Variants in DKK2 observed in about 807,000 individuals in gnomAD.
DKK2 encodes dickkopf-related protein 2.
Under a neutral mutation model 28.1 loss-of-function variants are expected in DKK2, and 11 were observed. The observed-to-expected ratio is 0.39, with a 90% CI of 0.25 to 0.65. The LOEUF is 0.65. Ranked by LOEUF, DKK2 falls within the 30% of genes least tolerant of loss-of-function variation. The pLI is 0.47. For synonymous variants in DKK2, 135 were observed against 126.5 expected, an observed-to-expected ratio of 1.07 and a Z score of -0.45; for missense variants, 326 against 335.5, an observed-to-expected ratio of 0.97 and a Z score of 0.22.
intron 1 of DKK2, among the ~76,000 whole-genome samples, chr4:106,967,309 T>C (rs745556208): frequency 6.6e-6 from 1 of 152,144 alleles, no homozygotes; most frequent in Non-Finnish European, 1.5e-5. Context: ...TGGAAGAACC[T>C]GGTCTAGACT....
At chr4:106,943,455 A>G (rs191349261) in intron 1 of DKK2, among the ~76,000 whole-genome samples, 1 of 152,138 alleles carries the variant, frequency 6.6e-6, no homozygotes, top group African/African-American at 2.4e-5. Context: ...CCCATCAGGA[A>G]ATGGTAAAAA....
chr4:106,934,965 T>G (rs1366658174), intron 1 of DKK2, among the ~76,000 whole-genome samples: 1 of 152,208 alleles, frequency 6.6e-6, no homozygotes, highest in Non-Finnish European at 1.5e-5. Flanking sequence ...TCAGGTGTGC[T>G]GGTGCAGAGA....
chr4:106,970,683 A>T (rs1722857347), intron 1 of DKK2, among the ~76,000 whole-genome samples: 1 of 152,038 alleles, frequency 6.6e-6, no homozygotes, highest in Non-Finnish European at 1.5e-5. Context: ...TATATTGTAC[A>T]AGGCCTACTG....
chr4:107,026,370 CT>C (rs1263998661), intron 1 of DKK2, among the ~76,000 whole-genome samples: 2 of 151,922 alleles, frequency 1.3e-5, no homozygotes, highest in Non-Finnish European at 2.9e-5. Context: ...CAAAAAAACT[CT>C]TTAGTACATA....
chr4:107,024,778 A>T (rs1298333050), intron 1 of DKK2, among the ~76,000 whole-genome samples: 1 of 152,172 alleles, frequency 6.6e-6, no homozygotes, highest in Non-Finnish European at 1.5e-5. Flanking sequence ...TATACAATTT[A>T]TTTGAGGTCG....
chr4:106,958,532 A>T (rs1722636298), intron 1 of DKK2, among the ~76,000 whole-genome samples: 1 of 152,058 alleles, frequency 6.6e-6, no homozygotes, highest in Non-Finnish European at 1.5e-5. Context: ...GGATATAGTT[A>T]GTAAAATCTA....
chr4:107,009,581 G>T lies in DKK2; in HGVS notation c.222+25789C>A, dbSNP rs1578377052. ...ATGTAATAATTATAACACAAAGCTG[G>T]GTAGGAGTTTGCAGCTGGGAAGGGT... On this transcript the variant is annotated intron_variant, in intron 1 of 3. Transcript: ENST00000285311. Among the ~76,000 whole-genome samples the T allele has an allele frequency of 4.0e-5, 6 of 151,804 alleles. No homozygotes were observed. The South Asian group carries it at 1.2e-3, about 32-fold the overall frequency.
intron 1 of DKK2, among the ~76,000 whole-genome samples, chr4:106,953,498 G>T (rs1457015081): frequency 1.3e-5 from 2 of 152,194 alleles, no homozygotes; most frequent in South Asian, 2.1e-4. Flanking sequence ...AGCAAAGAAG[G>T]CTTTAACCAT....
At chr4:106,985,840 A>T (rs1380203758) in intron 1 of DKK2, among the ~76,000 whole-genome samples, 1 of 151,716 alleles carries the variant, frequency 6.6e-6, no homozygotes, top group Non-Finnish European at 1.5e-5. Flanking sequence ...GAAAAAAGAA[A>T]AGAAAAGAAA....
intron 1 of DKK2, among the ~76,000 whole-genome samples, chr4:106,976,646 T>A (rs926775789): frequency 6.6e-5 from 10 of 152,224 alleles, no homozygotes; most frequent in African/African-American, 2.4e-4. Context: ...GCACATGAGA[T>A]GGGTCCCCTG....
intron 1 of DKK2, among the ~76,000 whole-genome samples, chr4:107,023,343 G>C (rs1723723764): frequency 6.6e-6 from 1 of 151,954 alleles, no homozygotes; most frequent in African/African-American, 2.4e-5. Flanking sequence ...GAAAAGACAT[G>C]GAAGAATCTT....
intron 1 of DKK2, among the ~76,000 whole-genome samples, chr4:106,951,124 C>T (rs1404083335): frequency 6.6e-6 from 1 of 151,950 alleles, no homozygotes; most frequent in Non-Finnish European, 1.5e-5. Context: ...TTACCTGCCT[C>T]TTGTGACACC....
chr4:106,942,404 G>T (rs1477694143), intron 1 of DKK2, among the ~76,000 whole-genome samples: 2 of 152,104 alleles, frequency 1.3e-5, no homozygotes, highest in African/African-American at 4.8e-5. Context: ...GGTTCTTCTA[G>T]TCTATTTAAA....
chr4:106,999,760 A>T (rs924953898), intron 1 of DKK2, among the ~76,000 whole-genome samples: 2 of 152,226 alleles, frequency 1.3e-5, no homozygotes, highest in African/African-American at 2.4e-5. Context: ...AAATAGATTT[A>T]ATTTAAAAAT....
intron 1 of DKK2, among the ~76,000 whole-genome samples, chr4:107,001,359 C>G (rs1478148006): frequency 6.6e-6 from 1 of 152,088 alleles, no homozygotes; most frequent in African/African-American, 2.4e-5. Flanking sequence ...TTTAAGCCAC[C>G]TAATTTGTGT....
chr4:106,965,051 T>C (rs1442931077), intron 1 of DKK2, among the ~76,000 whole-genome samples: 1 of 152,134 alleles, frequency 6.6e-6, no homozygotes, highest in Non-Finnish European at 1.5e-5. Flanking sequence ...TATAGTTCAG[T>C]GTTCATTATC....
chr4:106,964,964 G>GATAGATAGAT lies in DKK2; in HGVS notation c.223-39025_223-39016dup, dbSNP rs1371065800. Among the ~76,000 whole-genome samples the GATAGATAGAT allele has an allele frequency of 5.7e-3, 689 of 120,662 alleles. 2 individuals carry two copies. Among genetic ancestry groups the GATAGATAGAT allele is most frequent in the Non-Finnish European group, 6.9e-3 (378 of 54,868 alleles). 79.2% of individuals were successfully genotyped at this position (120,662 alleles called of 152,430 possible). ...GATTAGATATAGATAGATAGATATA[G>GATAGATAGAT]ATAGATAGATAGATAGATAGATAGA... On this transcript the variant is annotated intron_variant, in intron 1 of 3. Coordinates refer to ENST00000285311, the MANE Select transcript of DKK2 (RefSeq NM_014421.3).
At chr4:106,983,386 A>C (rs1215105735) in intron 1 of DKK2, among the ~76,000 whole-genome samples, 1 of 150,204 alleles carries the variant, frequency 6.7e-6, no homozygotes, top group Non-Finnish European at 1.5e-5. Context: ...AAAAGAAAGA[A>C]AAGAAAAAGA....
At chr4:106,966,698 T>G (rs1722785667) in intron 1 of DKK2, among the ~76,000 whole-genome samples, 2 of 152,052 alleles carry the variant, frequency 1.3e-5, no homozygotes, top group Admixed American at 6.6e-5. Context: ...AATAATAAAG[T>G]AAAAGAAAGG....
Sources: allele counts gnomAD v4.1 joint callset (sites outside exome capture counted in the v4.1 genomes callset), GRCh38; gene constraint gnomAD v4.1.1; transcripts MANE v1.5; gene names NCBI Gene and HGNC (gene_info 2026-07-23, HGNC 2026-07-21).